JCAD: variants seen among roughly 807,000 people sequenced by gnomAD.
The protein encoded by JCAD is junctional cadherin 5-associated protein.
JCAD carries 40 observed loss-of-function variants against 98.0 expected under a neutral mutation model. That is an observed-to-expected ratio of 0.41 (90% CI 0.32 to 0.53). The LOEUF (loss-of-function observed/expected upper bound fraction) is 0.53, where lower values mean the gene tolerates loss of function less well. Among genes scored for constraint, JCAD ranks in the 20% least tolerant of loss-of-function variants. The pLI is 0.31. For synonymous variants in JCAD, 691 were observed against 682.3 expected, an observed-to-expected ratio of 1.01 and a Z score of -0.20; for missense variants, 1,705 against 1,738.1, an observed-to-expected ratio of 0.98 and a Z score of 0.34.
intron 2 of JCAD, among the ~76,000 whole-genome samples, chr10:30,031,750 A>AC (rs1837000234): frequency 3.2e-5 from 2 of 63,372 alleles, no homozygotes; most frequent in African/African-American, 1.4e-4. Flanking sequence ...CCCCATCTGT[A>AC]TTTTTTTTTT....
intron 2 of JCAD, among the ~76,000 whole-genome samples, chr10:30,040,773 C>G (rs12248315): frequency 0.054 from 8,214 of 152,284 alleles, 577 homozygotes; most frequent in African/African-American, 0.16. Context: ...AGTCCACAAC[C>G]TGTCCTTTGT....
At chr10:30,038,152 A>C (rs1288636510) in intron 2 of JCAD, among the ~76,000 whole-genome samples, 1 of 152,174 alleles carries the variant, frequency 6.6e-6, no homozygotes, top group African/African-American at 2.4e-5. Context: ...CACACAAGTT[A>C]AGTCGGAGGC....
At chr10:30,114,580 A>T (rs1272251438) in intron 1 of JCAD, among the ~76,000 whole-genome samples, 2 of 5,590 alleles carry the variant, frequency 3.6e-4, no homozygotes, top group Non-Finnish European at 1.5e-3. Flanking sequence ...AGCACAATTA[A>T]AAAAAAAAAA....
At chr10:30,041,216 G>A (rs1331746274) in intron 2 of JCAD, among the ~76,000 whole-genome samples, 2 of 152,002 alleles carry the variant, frequency 1.3e-5, no homozygotes, top group African/African-American at 4.8e-5. Context: ...CCAAGGAGAA[G>A]GGCATACAGA....
intron 1 of JCAD, among the ~76,000 whole-genome samples, chr10:30,114,288 G>T (rs1001196189): frequency 1.2e-4 from 18 of 152,210 alleles, no homozygotes; most frequent in African/African-American, 4.3e-4. Flanking sequence ...AACACCAAGG[G>T]TGATATTTAT....
At chr10:30,089,038 A>G (rs1838212810) in intron 1 of JCAD, among the ~76,000 whole-genome samples, 1 of 152,170 alleles carries the variant, frequency 6.6e-6, no homozygotes, top group African/African-American at 2.4e-5. Flanking sequence ...TCTTTAGTGC[A>G]AATTTTAGAA....
At chr10:30,095,851 T>C (rs1337456140) in intron 1 of JCAD, among the ~76,000 whole-genome samples, 2 of 152,202 alleles carry the variant, frequency 1.3e-5, no homozygotes, top group Non-Finnish European at 2.9e-5. Context: ...GCAGTGGTAA[T>C]ATAAAAAATG....
upstream of JCAD, among the ~76,000 whole-genome samples, chr10:30,062,046 G>A (rs952623599): frequency 6.6e-6 from 1 of 152,156 alleles, no homozygotes; most frequent in Non-Finnish European, 1.5e-5. Flanking sequence ...GTTTTATAAT[G>A]TACCTAAGGG....
At chr10:30,074,815 C>T (rs1034860551) in intron 1 of JCAD, among the ~76,000 whole-genome samples, 4 of 151,878 alleles carry the variant, frequency 2.6e-5, no homozygotes, top group African/African-American at 9.7e-5. Flanking sequence ...TAATAAGAGA[C>T]AAGATCTCCC....
At chr10:30,074,484 A>G (rs1365478010) in intron 1 of JCAD, among the ~76,000 whole-genome samples, 3 of 152,242 alleles carry the variant, frequency 2.0e-5, no homozygotes, top group Admixed American at 2.0e-4. Context: ...CCCTGCACCC[A>G]CCTAAACACA....
In JCAD at chr10:30,016,834, AC is replaced by A. The variant is rs1461039833; in HGVS notation, c.*1048del. ...AATATAACCTGATAGCTACACTTGT[AC>A]AAAAATCTTTGTGAAAAGTTTCTTT... On this transcript the variant is annotated 3_prime_UTR_variant, in exon 4 of 4. Transcript: ENST00000375377. 1 of 152,218 alleles carries A rather than the reference AC, an allele frequency of 6.6e-6. No homozygotes were observed. Among genetic ancestry groups the A allele is most frequent in the Non-Finnish European group, 1.5e-5 (1 of 68,040 alleles). 9.4% of individuals were successfully genotyped at this position (152,218 alleles called of 1,614,324 possible). A position where few individuals can be genotyped will look rare whatever the true frequency, so the allele number is the denominator to read the frequency against.
chr10:30,061,553 A>G (rs368028513), upstream of JCAD, among the ~76,000 whole-genome samples: 1 of 151,856 alleles, frequency 6.6e-6, no homozygotes, highest in East Asian at 1.9e-4. Context: ...AGAAAAAAAA[A>G]AAAAAGAAAG....
At chr10:30,080,182 A>C (rs530413913) in intron 1 of JCAD, among the ~76,000 whole-genome samples, 11 of 152,152 alleles carry the variant, frequency 7.2e-5, no homozygotes, top group Non-Finnish European at 1.2e-4. Context: ...TGGAATTCTT[A>C]TCTTAGAAGA....
At position 30,028,036 on chromosome 10, in the gene JCAD, C is replaced by T. The variant is rs1476215602; in HGVS notation, c.2112G>A (p.Leu704=). ...SFSEEPQSSQ[L]LPGAKLGGPS... is the part of the protein sequence containing the mutation. ...GCCCTCCCAGCTTTGCACCAGGGAG[C>T]AGCTGCGAACTTTGGGGCTCCTCGG... The change falls in exon 3 of 4, where the codon CTG becomes CTA. Residue 704 remains leucine (L), a synonymous_variant. Coordinates refer to ENST00000375377, the MANE Select transcript of JCAD (RefSeq NM_020848.4). 3 of 1,614,138 alleles carry T rather than the reference C, an allele frequency of 1.9e-6. No homozygotes were observed. Among genetic ancestry groups the T allele is most frequent in the African/African-American group, 1.3e-5 (1 of 74,954 alleles).
chr10:30,082,891 G>A (rs1252639443), intron 1 of JCAD, among the ~76,000 whole-genome samples: 1 of 149,930 alleles, frequency 6.7e-6, no homozygotes, highest in African/African-American at 2.4e-5. Flanking sequence ...AAAATTAGCT[G>A]GGTGTGGTGG....
chr10:30,086,438 G>T (rs1293792856), intron 1 of JCAD, among the ~76,000 whole-genome samples: 1 of 152,224 alleles, frequency 6.6e-6, no homozygotes, highest in Non-Finnish European at 1.5e-5. Flanking sequence ...GTTTGCAGCT[G>T]CCTACAGGAT....
intron 2 of JCAD, among the ~76,000 whole-genome samples, chr10:30,067,162 C>G (rs1323199386): frequency 2.0e-5 from 3 of 149,492 alleles, no homozygotes; most frequent in Non-Finnish European, 4.4e-5. Flanking sequence ...ACAGCAAGAC[C>G]CTGTCTCAAA....
At position 30,048,409 on chromosome 10, in the gene JCAD, C is replaced by T. The variant is rs529795056; in HGVS notation, c.-59-538G>A. Among the ~76,000 whole-genome samples, 16 of 152,248 alleles carry T rather than the reference C, an allele frequency of 1.1e-4. No individual in the cohort carries two copies. The East Asian group carries it at 3.1e-3, about 29-fold the overall frequency. ...AGTCATGATACAATTCAGCGGAAGC[C>T]ATCGAAACAGCAACTGCCAGGGCAG... On this transcript the variant is annotated intron_variant, in intron 1 of 3. Transcript: ENST00000375377.
At chr10:30,023,400 C>A (rs935007108) in intron 3 of JCAD, among the ~76,000 whole-genome samples, 1 of 152,164 alleles carries the variant, frequency 6.6e-6, no homozygotes, top group African/African-American at 2.4e-5. Flanking sequence ...CAATTGCCTG[C>A]AGTATTCCAT....
Sources: gnomAD v4.1 joint callset for allele counts (sites outside exome capture counted in the v4.1 genomes callset) on GRCh38, gnomAD v4.1.1 for gene constraint, MANE v1.5 for transcripts, NCBI Gene and HGNC (gene_info 2026-07-23, HGNC 2026-07-21) for gene names.